The following INPP4B variants were observed in gnomAD, a reference collection of about 807,000 sequenced individuals.
INPP4B encodes inositol polyphosphate 4-phosphatase type II.
In INPP4B, 55 loss-of-function variants were observed where a neutral mutation model predicts 122.5. The observed-to-expected ratio is 0.45, with a 90% CI of 0.36 to 0.56. The LOEUF is 0.56. INPP4B is among the 20% of genes least tolerant of loss of function. The pLI is 0.00. For synonymous variants in INPP4B, 403 were observed against 388.7 expected (o/e 1.04, Z -0.43); for missense variants, 1,000 against 1,097.7 (o/e 0.91, Z 1.26).
chr4:142,832,118 G>T (rs925970591), intron 1 of INPP4B, among the ~76,000 whole-genome samples: 1 of 152,190 alleles, frequency 6.6e-6, no homozygotes, highest in Non-Finnish European at 1.5e-5. Flanking sequence ...CAGTGGATTT[G>T]ATGGAGGTTG....
chr4:142,205,766 G>A (rs756144536), intron 14 of INPP4B, among the ~76,000 whole-genome samples: 8 of 152,018 alleles, frequency 5.3e-5, no homozygotes, highest in Non-Finnish European at 1.2e-4. Flanking sequence ...ATCATAAAAG[G>A]CTTTTCATTT....
chr4:142,499,822 C>T (rs181614878), intron 2 of INPP4B, among the ~76,000 whole-genome samples: 160 of 152,146 alleles, frequency 1.1e-3, no homozygotes, highest in African/African-American at 3.6e-3. Context: ...TATTTAAAAC[C>T]TCTTACATCT....
At chr4:142,694,618 T>C (rs1760763008) in intron 2 of INPP4B, among the ~76,000 whole-genome samples, 1 of 152,160 alleles carries the variant, frequency 6.6e-6, no homozygotes, top group African/African-American at 2.4e-5. Flanking sequence ...AACTTGTCTG[T>C]TTTGGAGGCA....
At chr4:142,241,303 T>G (rs1393184671) in intron 11 of INPP4B, among the ~76,000 whole-genome samples, 1 of 152,174 alleles carries the variant, frequency 6.6e-6, no homozygotes, top group Non-Finnish European at 1.5e-5. Context: ...AGAAAAGTAG[T>G]TGAGACATTT....
intron 2 of INPP4B, among the ~76,000 whole-genome samples, chr4:142,492,278 G>A (rs560279295): frequency 2.7e-4 from 41 of 152,184 alleles, no homozygotes; most frequent in African/African-American, 7.2e-4. Flanking sequence ...AATGAGCAGT[G>A]TGAGATTGGT....
intron 2 of INPP4B, among the ~76,000 whole-genome samples, chr4:142,498,683 C>T (rs550633278): frequency 2.0e-5 from 3 of 151,770 alleles, no homozygotes; most frequent in African/African-American, 7.3e-5. Context: ...AGCACCTACT[C>T]GAGAGGTTGA....
chr4:142,610,034 G>T (rs1270602701), intron 2 of INPP4B, among the ~76,000 whole-genome samples: 3 of 152,176 alleles, frequency 2.0e-5, no homozygotes, highest in Non-Finnish European at 1.5e-5. Context: ...ATTTTTTTAT[G>T]TTAGTCAATT....
chr4:142,406,834 A>T (rs1803485446), intron 5 of INPP4B, among the ~76,000 whole-genome samples: 1 of 152,180 alleles, frequency 6.6e-6, no homozygotes, highest in African/African-American at 2.4e-5. Context: ...GAATTATTTC[A>T]GTTTTACATA....
At chr4:142,729,717 C>A (rs564432254) in intron 1 of INPP4B, among the ~76,000 whole-genome samples, 2 of 152,284 alleles carry the variant, frequency 1.3e-5, no homozygotes, top group Admixed American at 6.5e-5. Context: ...GTCATACTGT[C>A]TCACTTTGTT....
intron 9 of INPP4B, among the ~76,000 whole-genome samples, chr4:142,281,243 A>G (rs974335074): frequency 6.6e-6 from 1 of 151,858 alleles, no homozygotes; most frequent in Non-Finnish European, 1.5e-5. Flanking sequence ...TAGATAGATG[A>G]CTGGGAATAC....
chr4:142,440,690 T>C (rs1263191699), intron 3 of INPP4B, among the ~76,000 whole-genome samples: 1 of 152,082 alleles, frequency 6.6e-6, no homozygotes, highest in Non-Finnish European at 1.5e-5. Context: ...AAAAATACAT[T>C]CTTAGAACTC....
At chr4:142,491,204 G>T (rs890991155) in intron 2 of INPP4B, among the ~76,000 whole-genome samples, 1 of 151,950 alleles carries the variant, frequency 6.6e-6, no homozygotes, top group Admixed American at 6.6e-5. Flanking sequence ...CAAGGCAAAA[G>T]AATAAAATTG....
At chr4:142,188,518 A>AAAATATAT (rs1834267141) in intron 15 of INPP4B, among the ~76,000 whole-genome samples, 5 of 105,096 alleles carry the variant, frequency 4.8e-5, no homozygotes, top group Admixed American at 1.3e-4. Context: ...AAAGAAAAAA[A>AAAATATAT]ATATATATAG....
intron 12 of INPP4B, among the ~76,000 whole-genome samples, chr4:142,221,389 C>CAAAAAAA (rs570703001): frequency 3.5e-4 from 10 of 28,552 alleles, no homozygotes; most frequent in African/African-American, 1.0e-3. Context: ...GACTCCTTCT[C>CAAAAAAA]AAAAAAAAAA....
intron 8 of INPP4B, among the ~76,000 whole-genome samples, chr4:142,313,534 C>T (rs1766347336): frequency 6.6e-6 from 1 of 152,176 alleles, no homozygotes; most frequent in South Asian, 2.1e-4. Context: ...GAAGGGAGCC[C>T]TCTCCCCATG....
At chr4:142,163,218 A>T (rs1190800032) in intron 16 of INPP4B, among the ~76,000 whole-genome samples, 1 of 151,940 alleles carries the variant, frequency 6.6e-6, no homozygotes, top group Non-Finnish European at 1.5e-5. Context: ...GAAAAAATAG[A>T]AAATTCCAGA....
chr4:142,603,965 C>CA (rs1179425764), intron 2 of INPP4B, among the ~76,000 whole-genome samples: 3 of 151,486 alleles, frequency 2.0e-5, no homozygotes, highest in Non-Finnish European at 4.4e-5. Context: ...AACATAGGTG[C>CA]AAAAAATCCT....
At chr4:142,789,987 A>G (rs988812338) in intron 1 of INPP4B, among the ~76,000 whole-genome samples, 2 of 151,994 alleles carry the variant, frequency 1.3e-5, no homozygotes, top group Non-Finnish European at 2.9e-5. Context: ...GGGAAAGAGC[A>G]CCATATTCAA....
chr4:142,248,642 G>C (rs2150151074), intron 11 of INPP4B, among the ~76,000 whole-genome samples: 1 of 150,046 alleles, frequency 6.7e-6, no homozygotes, highest in South Asian at 2.1e-4. Context: ...GTGTGTGTGT[G>C]TGTGTGTGTA....
Sources: allele counts gnomAD v4.1 joint callset (sites outside exome capture counted in the v4.1 genomes callset), GRCh38; gene constraint gnomAD v4.1.1; transcripts MANE v1.5; gene names NCBI Gene and HGNC (gene_info 2026-07-23, HGNC 2026-07-21).